CCDC178: variants seen among roughly 807,000 people sequenced by gnomAD.
CCDC178 encodes coiled-coil domain-containing protein 178.
CCDC178 carries 126 observed loss-of-function variants against 117.4 expected under a neutral mutation model. The observed-to-expected ratio is 1.07, with a 90% CI of 0.93 to 1.24. The LOEUF is 1.24. Among genes scored for constraint, CCDC178 ranks in the 50% most tolerant of loss-of-function variants. CCDC178 has a pLI of 0.00. For synonymous variants in CCDC178, 283 were observed against 313.4 expected (o/e 0.90, Z 1.02); for missense variants, 1,030 against 986.9 (o/e 1.04, Z -0.59).
chr18:32,938,726 T>C (rs2054174146), intron 22 of CCDC178, among the ~76,000 whole-genome samples: 1 of 152,160 alleles, frequency 6.6e-6, no homozygotes, highest in African/African-American at 2.4e-5. Flanking sequence ...CCCCACTGTT[T>C]TCTTCTTCTA....
At chr18:33,036,882 T>G (rs2056454924) in intron 21 of CCDC178, among the ~76,000 whole-genome samples, 1 of 151,856 alleles carries the variant, frequency 6.6e-6, no homozygotes, top group Non-Finnish European at 1.5e-5. Flanking sequence ...CTATATAAAC[T>G]AGGATAATAA....
intron 20 of CCDC178, among the ~76,000 whole-genome samples, chr18:33,204,501 T>C (rs2059026888): frequency 1.3e-5 from 2 of 152,158 alleles, no homozygotes; most frequent in Admixed American, 1.3e-4. Context: ...TAAGTGCTCA[T>C]GTTTACATGT....
At chr18:33,304,369 G>T (rs771307829) in intron 11 of CCDC178, among the ~76,000 whole-genome samples, 12 of 152,264 alleles carry the variant, frequency 7.9e-5, no homozygotes, top group Middle Eastern at 3.4e-3. Flanking sequence ...CACACTGTAG[G>T]CCTCTCCATA....
intron 12 of CCDC178, among the ~76,000 whole-genome samples, chr18:33,279,777 G>C (rs1340257542): frequency 5.9e-5 from 9 of 152,102 alleles, no homozygotes; most frequent in South Asian, 4.1e-4. Flanking sequence ...GAACAGAACA[G>C]AGCCCTCAGA....
intron 12 of CCDC178, among the ~76,000 whole-genome samples, chr18:33,273,107 C>A (rs1388286773): frequency 6.6e-6 from 1 of 150,848 alleles, no homozygotes; most frequent in Non-Finnish European, 1.5e-5. Context: ...AAGTAAACAT[C>A]TGTATTTGCA....
intron 11 of CCDC178, among the ~76,000 whole-genome samples, 191 bp from the exon 12 acceptor site, chr18:33,293,503 A>C (rs1018436197): frequency 6.6e-6 from 1 of 151,992 alleles, no homozygotes; most frequent in Admixed American, 6.6e-5. Context: ...TTACAAAAAA[A>C]AAAAATTGAA....
intron 21 of CCDC178, among the ~76,000 whole-genome samples, chr18:33,022,251 G>A (rs1479958109): frequency 6.6e-6 from 1 of 152,044 alleles, no homozygotes; most frequent in Non-Finnish European, 1.5e-5. Context: ...ACATTAACCA[G>A]GCTTTCTCAG....
chr18:33,080,600 ACT>A (rs2057282100), intron 21 of CCDC178, among the ~76,000 whole-genome samples: 1 of 152,032 alleles, frequency 6.6e-6, no homozygotes, highest in Non-Finnish European at 1.5e-5. Flanking sequence ...GGCCTCCAAA[ACT>A]CTGAGACAAT....
At chr18:33,230,148 T>G (rs4632197) in intron 15 of CCDC178, among the ~76,000 whole-genome samples, 1 of 151,984 alleles carries the variant, frequency 6.6e-6, no homozygotes, top group Non-Finnish European at 1.5e-5. Context: ...ACAGAATGGC[T>G]GTATGAGTGC....
At chr18:33,006,181 T>C (rs1029092172) in intron 21 of CCDC178, among the ~76,000 whole-genome samples, 2 of 152,056 alleles carry the variant, frequency 1.3e-5, no homozygotes, top group Admixed American at 1.3e-4. Context: ...AAATAACTTA[T>C]TTAAGATTGA....
At chr18:33,381,485 T>C (rs1381912028) in intron 5 of CCDC178, among the ~76,000 whole-genome samples, 2 of 152,240 alleles carry the variant, frequency 1.3e-5, no homozygotes, top group Admixed American at 6.5e-5. Flanking sequence ...TACCTTTCTC[T>C]GAACCATCTT....
At chr18:33,127,194 A>T (rs1016426041) in intron 20 of CCDC178, among the ~76,000 whole-genome samples, 1 of 152,026 alleles carries the variant, frequency 6.6e-6, no homozygotes, top group Non-Finnish European at 1.5e-5. Flanking sequence ...TTAAAAATAT[A>T]AACTTTCTGA....
intron 22 of CCDC178, among the ~76,000 whole-genome samples, chr18:32,947,325 T>C (rs1164211269): frequency 6.6e-6 from 1 of 152,212 alleles, no homozygotes; most frequent in African/African-American, 2.4e-5. Context: ...CCACAAGCAG[T>C]GTATGAGAGT....
At chr18:33,189,998 C>G (rs1458806554) in intron 20 of CCDC178, among the ~76,000 whole-genome samples, 1 of 151,934 alleles carries the variant, frequency 6.6e-6, no homozygotes, top group Non-Finnish European at 1.5e-5. Flanking sequence ...GCAACCAGAT[C>G]ATATGCTGAC....
At chr18:33,078,848 T>C (rs1025764192) in intron 21 of CCDC178, among the ~76,000 whole-genome samples, 46 of 152,324 alleles carry the variant, frequency 3.0e-4, no homozygotes, top group African/African-American at 1.0e-3. Flanking sequence ...AAAATGGTCA[T>C]ACTGCCCAAA....
intron 20 of CCDC178, among the ~76,000 whole-genome samples, chr18:33,118,747 C>T (rs2057893651): frequency 6.6e-6 from 1 of 152,062 alleles, no homozygotes; most frequent in Non-Finnish European, 1.5e-5. Flanking sequence ...CAATCCTAAG[C>T]CAAAAGAAAA....
chr18:33,015,531 C>G (rs970681898), intron 21 of CCDC178, among the ~76,000 whole-genome samples: 2 of 151,946 alleles, frequency 1.3e-5, no homozygotes, highest in African/African-American at 2.4e-5. Flanking sequence ...CACCACTGCA[C>G]TCTAGCCTGA....
intron 22 of CCDC178, among the ~76,000 whole-genome samples, chr18:32,969,301 G>A (rs1311745923): frequency 6.6e-6 from 1 of 151,980 alleles, no homozygotes; most frequent in Non-Finnish European, 1.5e-5. Flanking sequence ...ACATCCCTGA[G>A]GAGGTGCCCT....
chr18:33,290,296 C>T (rs181145442), intron 12 of CCDC178, among the ~76,000 whole-genome samples: 102 of 152,100 alleles, frequency 6.7e-4, no homozygotes, highest in Middle Eastern at 3.4e-3. Context: ...CCATATAGAC[C>T]AATTTTATAA....
Sources: allele counts gnomAD v4.1 joint callset (sites outside exome capture counted in the v4.1 genomes callset), GRCh38; gene constraint gnomAD v4.1.1; transcripts MANE v1.5; gene names NCBI Gene and HGNC (gene_info 2026-07-23, HGNC 2026-07-21).